The following GRM7 variants were observed in gnomAD, a reference collection of about 807,000 sequenced individuals.
GRM7 encodes glutamate metabotropic receptor 7, also known as metabotropic glutamate receptor 7.
In GRM7, 35 loss-of-function variants were observed where a neutral mutation model predicts 84.5. The observed-to-expected ratio is 0.41, with a 90% confidence interval of 0.32 to 0.55. The LOEUF is 0.55. Ranked by LOEUF, GRM7 falls within the 20% of genes least tolerant of loss-of-function variation. The pLI, the probability that GRM7 is intolerant of heterozygous loss-of-function variation, is 0.19. For synonymous variants in GRM7, 487 were observed against 455.1 expected, an observed-to-expected ratio of 1.07 and a Z score of -0.89; for missense variants, 1,003 against 1,194.6, an observed-to-expected ratio of 0.84 and a Z score of 2.36.
At chr3:7,388,869 C>A (rs1224689869) in intron 4 of GRM7, among the ~76,000 whole-genome samples, 1 of 152,042 alleles carries the variant, frequency 6.6e-6, no homozygotes, top group African/African-American at 2.4e-5. Flanking sequence ...TGTATGGTCA[C>A]AATTCCATTT....
At chr3:6,915,109 G>A (rs1462797225) in intron 1 of GRM7, among the ~76,000 whole-genome samples, 2 of 152,114 alleles carry the variant, frequency 1.3e-5, no homozygotes, top group Admixed American at 6.6e-5. Context: ...GGACTGCATG[G>A]TCCTTATTCA....
At chr3:6,963,758 G>A (rs478250) in intron 1 of GRM7, among the ~76,000 whole-genome samples, 51,118 of 152,046 alleles carry the variant, frequency 0.34, 8,926 homozygotes, top group African/African-American at 0.41. Flanking sequence ...ATGTAAAATA[G>A]TGGTGTGACT....
intron 2 of GRM7, among the ~76,000 whole-genome samples, chr3:7,282,577 C>G (rs977438135): frequency 6.6e-6 from 1 of 152,128 alleles, no homozygotes; most frequent in African/African-American, 2.4e-5. Context: ...CCTTATTTCC[C>G]CTTTGTCATG....
chr3:7,506,862 T>C (rs1200113550), intron 7 of GRM7, among the ~76,000 whole-genome samples: 1 of 152,170 alleles, frequency 6.6e-6, no homozygotes, highest in Non-Finnish European at 1.5e-5. Context: ...AATCCATTAG[T>C]GAGAGATGAG....
chr3:7,193,681 T>C (rs1052384248), intron 2 of GRM7, among the ~76,000 whole-genome samples: 10 of 151,858 alleles, frequency 6.6e-5, no homozygotes, highest in African/African-American at 2.4e-4. Context: ...TCTCTCTCTC[T>C]CCCCCTCCCT....
chr3:7,140,179 G>T (rs1693901738), intron 1 of GRM7, among the ~76,000 whole-genome samples: 1 of 151,738 alleles, frequency 6.6e-6, no homozygotes, highest in Non-Finnish European at 1.5e-5. Context: ...GTGTAGAGAA[G>T]GTCCCCCTTG....
rs60123218 is a variant in GRM7 at position 7,034,291 on chromosome 3, T to TA, written c.520-112149dup. Among the ~76,000 whole-genome samples the TA allele has an allele frequency of 8.7e-3, 1,281 of 146,426 alleles. 15 individuals carry two copies. The highest frequency in any genetic ancestry group is 0.028 in the African/African-American group (1,123 of 40,218). On this transcript the variant is annotated intron_variant, in intron 1 of 9. Transcript: ENST00000357716. ...AGTTTAATTGGTCTCTGGTGGGGGT[T>TA]AAAAAAAAAAAATCTGTGTTCATCA...
At chr3:7,165,280 C>T (rs562870158) in intron 2 of GRM7, among the ~76,000 whole-genome samples, 4 of 152,292 alleles carry the variant, frequency 2.6e-5, no homozygotes, top group Admixed American at 2.0e-4. Flanking sequence ...GTATACAGTA[C>T]AGGACAATCA....
At chr3:6,904,658 G>A (rs755099043) in intron 1 of GRM7, among the ~76,000 whole-genome samples, 26 of 151,468 alleles carry the variant, frequency 1.7e-4, no homozygotes, top group Non-Finnish European at 2.8e-4. Flanking sequence ...CATCTGTTTA[G>A]TTGCATTTTC....
rs574309068 is a variant in GRM7 at position 7,508,868 on chromosome 3, T to A, written c.1515+47146T>A. 8.1e-4 allele frequency among the ~76,000 whole-genome samples: 124 copies of A among 152,252 alleles called. 1 individual carries two copies. The South Asian group carries it at 0.025, about 31-fold the overall frequency. ...CATCTTCATTTGATGAAATAGGCAT[T>A]CCTAAGTCCATCTGCATTGGCAAGC... On this transcript the variant is annotated intron_variant, in intron 7 of 9. Coordinates refer to ENST00000357716, the MANE Select transcript of GRM7 (RefSeq NM_000844.4).
At chr3:7,200,522 G>A (rs1449962249) in intron 2 of GRM7, among the ~76,000 whole-genome samples, 3 of 152,190 alleles carry the variant, frequency 2.0e-5, no homozygotes, top group African/African-American at 7.2e-5. Context: ...CAAGCTCCCA[G>A]ATGACGCCAA....
intron 1 of GRM7, among the ~76,000 whole-genome samples, chr3:7,055,103 C>T (rs1028772905): frequency 1.3e-5 from 2 of 151,854 alleles, no homozygotes; most frequent in Non-Finnish European, 2.9e-5. Flanking sequence ...TTGCTTAGAC[C>T]TAATGCAAAT....
rs530604353 is a variant in GRM7, at chr3:7,254,535, G to A, written c.737-44149G>A. ...TCCTCTTTGCTAGTGGGTCTCTGTC[G>A]TAATTACCCAAATCTGCCATTGCAG... On this transcript the variant is annotated intron_variant, in intron 2 of 9. Coordinates refer to ENST00000357716, the MANE Select transcript of GRM7 (RefSeq NM_000844.4). Among the ~76,000 whole-genome samples, 34 of 152,278 alleles carry A rather than the reference G, an allele frequency of 2.2e-4. 1 individual carries two copies. In the South Asian group the frequency reaches 5.6e-3, roughly 25 times the overall value.
chr3:7,007,060 T>C (rs1410503907), intron 1 of GRM7, among the ~76,000 whole-genome samples: 2 of 152,190 alleles, frequency 1.3e-5, no homozygotes, highest in Non-Finnish European at 2.9e-5. Context: ...GCTGAATATA[T>C]TGGTTCAAGG....
At chr3:7,447,154 A>G (rs1697552572) in intron 5 of GRM7, among the ~76,000 whole-genome samples, 2 of 152,224 alleles carry the variant, frequency 1.3e-5, no homozygotes, top group South Asian at 2.1e-4. Flanking sequence ...TTTTATCTAA[A>G]CCGCAGACTC....
chr3:7,332,467 A>G (rs1411815795), intron 4 of GRM7, among the ~76,000 whole-genome samples: 2 of 152,208 alleles, frequency 1.3e-5, no homozygotes, highest in Non-Finnish European at 2.9e-5. Context: ...GCATACATAC[A>G]TAAGCTTTGA....
rs1240205323 is a variant in GRM7, at chr3:7,431,671, C to A, written c.1174+16508C>A. On this transcript the variant is annotated intron_variant, in intron 5 of 9. Coordinates refer to ENST00000357716, the MANE Select transcript of GRM7 (RefSeq NM_000844.4). ...GGTCAATAATAGTAATAGCAAACAC[C>A]TCATTGGATGGTTATTTCATTAAGT... Among the ~76,000 whole-genome samples the A allele has an allele frequency of 2.0e-5, 3 of 152,076 alleles. No individual in the cohort carries two copies. In the South Asian group the frequency reaches 6.2e-4, roughly 31 times the overall value.
chr3:7,689,160 GA>G (rs1278358309), intron 9 of GRM7, among the ~76,000 whole-genome samples: 2 of 152,138 alleles, frequency 1.3e-5, no homozygotes, highest in East Asian at 3.8e-4. Context: ...GTATTTGGAT[GA>G]AAAAACTTTG....
rs187774892 is a variant in GRM7, at chr3:7,712,950, C to G, written c.2699-27407C>G. The stretch of plus-strand genomic sequence containing the variant: ...CTGTCTTCATTCATGTGGCCTTCCC[C>G]CTCTGTGTCTACCTGCCTGTGTCCA... On this transcript the variant is annotated intron_variant, in intron 9 of 9. Transcript: ENST00000357716. Among the ~76,000 whole-genome samples the G allele has an allele frequency of 6.6e-3, 1,007 of 152,000 alleles. 2 individuals carry two copies. Among genetic ancestry groups the G allele is most frequent in the Non-Finnish European group, 9.8e-3 (665 of 67,972 alleles).
Sources: allele counts gnomAD v4.1 joint callset (sites outside exome capture counted in the v4.1 genomes callset), GRCh38; gene constraint gnomAD v4.1.1; transcripts MANE v1.5; gene names NCBI Gene and HGNC (gene_info 2026-07-23, HGNC 2026-07-21).